The following TNPO1 variants were observed in gnomAD, a reference collection of about 807,000 sequenced individuals.
TNPO1 encodes transportin 1, also known as transportin-1.
In TNPO1, 8 loss-of-function variants were observed where a neutral mutation model predicts 119.5. The ratio of observed to expected loss-of-function variants is 0.07; its 90% CI spans 0.04 to 0.12. The LOEUF is 0.12. Among genes scored for constraint, TNPO1 ranks in the 10% least tolerant of loss-of-function variants. The pLI, the probability that TNPO1 is intolerant of heterozygous loss-of-function variation, is 1.00. For synonymous variants in TNPO1, 362 were observed against 363.0 expected (o/e 1.00, Z 0.03); for missense variants, 576 against 1,089.8 (o/e 0.53, Z 6.64).
In TNPO1 at chr5:72,889,764, CTTT is replaced by C. The variant is rs76051655; in HGVS notation, c.1530-9_1530-7del. 84 of 1,314,304 alleles carry C rather than the reference CTTT, an allele frequency of 6.4e-5. No homozygotes were observed. Among genetic ancestry groups the C allele is most frequent in the South Asian group, 1.9e-4 (13 of 70,008 alleles). The allele number at this position is 1,314,304 out of a possible 1,614,324, so 81.4% of individuals were successfully genotyped here. On this transcript the variant is annotated intron_variant, in intron 13 of 24. Transcript: ENST00000337273. The stretch of plus-strand genomic sequence containing the variant: ...ATATATCTTACAGTCAATAAGTATT[CTTT>C]TTTTTTTTTTTTAAACAGTGCCTTT...
chr5:72,883,787 G>C (rs1580452591), intron 11 of TNPO1, among the ~76,000 whole-genome samples: 1 of 152,060 alleles, frequency 6.6e-6, no homozygotes, highest in African/African-American at 2.4e-5. Flanking sequence ...ACCCAGGCTA[G>C]CATGATTATG....
intron 7 of TNPO1, among the ~76,000 whole-genome samples, chr5:72,873,862 G>C (rs1263537849): frequency 6.6e-6 from 1 of 152,082 alleles, no homozygotes; most frequent in Non-Finnish European, 1.5e-5. Flanking sequence ...TTGGAACAAT[G>C]GCTGCCACAG....
intron 20 of TNPO1, among the ~76,000 whole-genome samples, chr5:72,898,444 T>C (rs1264437210): frequency 6.6e-6 from 1 of 152,106 alleles, no homozygotes; most frequent in Non-Finnish European, 1.5e-5. Flanking sequence ...ATGGATTAAA[T>C]TGATATTATT....
intron 1 of TNPO1, 72 bp from the exon 2 acceptor site, chr5:72,848,313 G>C: frequency 7.0e-7 from 1 of 1,438,046 alleles, no homozygotes; most frequent in Non-Finnish European, 9.2e-7. Flanking sequence ...AGCTGCGCGC[G>C]GGAAGCCTCT....
intron 1 of TNPO1, among the ~76,000 whole-genome samples, chr5:72,844,008 G>A (rs560949358): frequency 4.6e-5 from 7 of 152,310 alleles, no homozygotes; most frequent in African/African-American, 9.6e-5. Flanking sequence ...GCACATGGTA[G>A]TTCTACTTAA....
At chr5:72,847,917 T>C (rs1745206680) in intron 1 of TNPO1, among the ~76,000 whole-genome samples, 2 of 152,384 alleles carry the variant, frequency 1.3e-5, no homozygotes, top group Middle Eastern at 3.4e-3. Flanking sequence ...TAATTCACCA[T>C]GTGTATGTAA....
At position 72,906,322 on chromosome 5, in the gene TNPO1, G is replaced by T. The variant is rs1202806865; in HGVS notation, c.*35+877G>T. ...TTTTTTTTTTTTTTTTTGAGACAGA[G>T]ACTCTTTCGCCCAGGCTGGAGTGCA... On this transcript the variant is annotated intron_variant, in intron 24 of 24. Transcript: ENST00000337273. Among the ~76,000 whole-genome samples, 11 of 93,500 alleles carry T rather than the reference G, an allele frequency of 1.2e-4. 1 individual carries two copies. The Admixed American group carries it at 1.9e-3, about 16-fold the overall frequency. 61.3% of individuals were successfully genotyped at this position (93,500 alleles called of 152,430 possible).
intron 14 of TNPO1, among the ~76,000 whole-genome samples, chr5:72,891,263 G>T (rs377432558): frequency 1.3e-5 from 2 of 151,854 alleles, no homozygotes; most frequent in African/African-American, 4.8e-5. Flanking sequence ...TCAGGAGATC[G>T]ACACCATCCT....
chr5:72,872,715 A>T lies in TNPO1; in HGVS notation c.673A>T (p.Ile225Phe), dbSNP rs761916093. ...QALMLHIDSF[I>F]ENLFALAGDE... ...TCTAATGTTGCACATTGATTCTTTT[A>T]TTGAGGTAAGACTTGTTCTTGTCTC... The change falls in exon 7 of 25, where the codon ATT (isoleucine) becomes TTT (phenylalanine). Residue 225 changes from isoleucine (I) to phenylalanine (F), a missense_variant. This residue lies in a region of TNPO1 where 310 missense variants were observed against 583.0 expected (regional missense o/e 0.53). Coordinates refer to ENST00000337273, the MANE Select transcript of TNPO1 (RefSeq NM_002270.4). 5.6e-6 allele frequency: 9 copies of T among 1,603,290 alleles called. No individual in the cohort carries two copies. The highest frequency in any genetic ancestry group is 6.8e-6 in the Non-Finnish European group (8 of 1,175,034).
At chr5:72,822,938 C>T (rs1209645677) in intron 1 of TNPO1, among the ~76,000 whole-genome samples, 3 of 131,524 alleles carry the variant, frequency 2.3e-5, no homozygotes, top group Admixed American at 8.0e-5. Flanking sequence ...TTTTTGGAGA[C>T]ACAGTCTAGC....
intron 14 of TNPO1, among the ~76,000 whole-genome samples, chr5:72,890,557 G>A (rs964829866): frequency 2.0e-5 from 3 of 152,148 alleles, no homozygotes; most frequent in African/African-American, 7.2e-5. Context: ...AAAGTCTTAA[G>A]AAATTGTTTT....
chr5:72,867,258 A>G (rs1396368367), intron 6 of TNPO1, among the ~76,000 whole-genome samples: 7 of 152,110 alleles, frequency 4.6e-5, no homozygotes, highest in African/African-American at 4.8e-5. Flanking sequence ...TCTTTAATGT[A>G]TATTTGGGTA....
At chr5:72,830,894 G>C (rs1037010036) in intron 1 of TNPO1, among the ~76,000 whole-genome samples, 2 of 151,976 alleles carry the variant, frequency 1.3e-5, no homozygotes, top group African/African-American at 2.4e-5. Flanking sequence ...TAGACTCTTA[G>C]GTCTACCACT....
At chr5:72,836,288 T>C (rs925193632) in intron 1 of TNPO1, among the ~76,000 whole-genome samples, 2 of 152,204 alleles carry the variant, frequency 1.3e-5, no homozygotes, top group Non-Finnish European at 2.9e-5. Flanking sequence ...CCAGGGTTTT[T>C]CAGGGTGTTC....
At chr5:72,865,534 AGTTT>A (rs1300970943) in intron 5 of TNPO1, 58 bp from the exon 6 acceptor site, 3 of 1,554,218 alleles carry the variant, frequency 1.9e-6, no homozygotes, top group Non-Finnish European at 2.6e-6. Flanking sequence ...AGCATTCTTC[AGTTT>A]GTTTTCAAAT....
Position 72,883,019 on chromosome 5 carries a change from G to A in TNPO1, c.982-45G>A. On this transcript the variant is annotated intron_variant, in intron 10 of 24. Coordinates refer to ENST00000337273, the MANE Select transcript of TNPO1 (RefSeq NM_002270.4). ...TCTCTTACTCATGTACATACTATTA[G>A]CCTATAATGAATGCCACCAAAAATT... is the stretch of plus-strand genomic sequence containing the variant. 4 of 1,347,714 alleles carry A rather than the reference G, an allele frequency of 3.0e-6. No individual in the cohort carries two copies. The South Asian group carries it at 3.5e-5, about 12-fold the overall frequency. 83.5% of individuals were successfully genotyped at this position (1,347,714 alleles called of 1,614,324 possible). A position where few individuals can be genotyped will look rare whatever the true frequency, so the allele number is the denominator to read the frequency against.
chr5:72,827,847 G>A (rs1397247406), intron 1 of TNPO1, among the ~76,000 whole-genome samples: 1 of 151,236 alleles, frequency 6.6e-6, no homozygotes, highest in East Asian at 1.9e-4. Flanking sequence ...TTGAGGCTGG[G>A]AGGTCAAGGT....
rs542484816 is a variant in TNPO1, at chr5:72,908,946, C to CA, written c.*286dup. 8,572 of 352,094 alleles carry CA rather than the reference C, an allele frequency of 0.024. 9 individuals are homozygous for CA. The highest frequency in any genetic ancestry group is 0.032 in the South Asian group (1,571 of 48,354). The allele number at this position is 352,094 out of a possible 1,614,324, so 21.8% of individuals were successfully genotyped here. ...CAACTCCGCAGTGGATGTGAAGAAG[C>CA]AAAAAAAAAAAAATCTATTCAGTCT... On this transcript the variant is annotated 3_prime_UTR_variant, in exon 25 of 25. Coordinates refer to ENST00000337273, the MANE Select transcript of TNPO1 (RefSeq NM_002270.4).
chr5:72,816,753 G>A lies in TNPO1; in HGVS notation c.15+1G>A. The A allele has an allele frequency of 6.3e-7, 1 of 1,585,524 alleles. No individual in the cohort carries two copies. Among genetic ancestry groups the A allele is most frequent in the Non-Finnish European group, 8.6e-7 (1 of 1,167,782 alleles). ...GGCGTCTGGGATGGTGTGGGACCGG[G>A]TAGGTGGCGTGAGGGTGCGCGGCCC... On this transcript the variant is annotated splice_donor_variant, in intron 1 of 24. Transcript: ENST00000337273. LOFTEE classifies it high-confidence loss of function.
Sources: gnomAD v4.1 joint callset for allele counts (sites outside exome capture counted in the v4.1 genomes callset) on GRCh38, gnomAD v4.1.1 for gene constraint, gnomAD v4.1.1 regional missense constraint, MANE v1.5 for transcripts, NCBI Gene and HGNC (gene_info 2026-07-23, HGNC 2026-07-21) for gene names.